FBXL7: variants seen among roughly 807,000 people sequenced by gnomAD.
FBXL7 encodes F-box and leucine rich repeat protein 7, also known as F-box/LRR-repeat protein 7.
In FBXL7, 12 loss-of-function variants were observed where a neutral mutation model predicts 38.3. The observed-to-expected ratio is 0.31, with a 90% CI of 0.20 to 0.51. The LOEUF (loss-of-function observed/expected upper bound fraction) is 0.51. Among genes scored for constraint, FBXL7 ranks in the 20% least tolerant of loss-of-function variants. The pLI is 0.98. For missense variants in FBXL7, 567 were observed against 676.4 expected (o/e 0.84, Z 1.79); for synonymous variants, 297 against 300.9 (o/e 0.99, Z 0.13).
intron 2 of FBXL7, among the ~76,000 whole-genome samples, chr5:15,912,230 C>G: frequency 1.4e-5 from 1 of 69,824 alleles, no homozygotes; most frequent in Non-Finnish European, 2.6e-5. Context: ...TCTCGTGGTG[C>G]GCCGTTTCTT....
chr5:15,677,128 G>C (rs1358161376), intron 2 of FBXL7, among the ~76,000 whole-genome samples: 1 of 152,180 alleles, frequency 6.6e-6, no homozygotes, highest in Non-Finnish European at 1.5e-5. Flanking sequence ...TAACCCTGCT[G>C]TTCTTTTTGG....
chr5:15,628,126 A>T (rs147332753), intron 2 of FBXL7, among the ~76,000 whole-genome samples: 361 of 152,332 alleles, frequency 2.4e-3, no homozygotes, highest in African/African-American at 8.2e-3. Flanking sequence ...TAATTATTTT[A>T]TATATATAAC....
intron 1 of FBXL7, among the ~76,000 whole-genome samples, chr5:15,508,800 C>A (rs759730282): frequency 2.0e-5 from 3 of 152,024 alleles, no homozygotes; most frequent in Admixed American, 6.6e-5. Flanking sequence ...ATTATACATA[C>A]GTGTTTATAT....
At chr5:15,742,950 A>G (rs574771515) in intron 2 of FBXL7, among the ~76,000 whole-genome samples, 6 of 152,132 alleles carry the variant, frequency 3.9e-5, no homozygotes, top group Admixed American at 3.9e-4. Context: ...AAACCATCAG[A>G]TCTCATGAGA....
chr5:15,789,132 G>A (rs1737208548), intron 2 of FBXL7, among the ~76,000 whole-genome samples: 1 of 152,040 alleles, frequency 6.6e-6, no homozygotes, highest in African/African-American at 2.4e-5. Context: ...TTACAAGAAT[G>A]AGCCACCATG....
intron 1 of FBXL7, among the ~76,000 whole-genome samples, chr5:15,579,563 G>T (rs1739072201): frequency 6.6e-6 from 1 of 152,164 alleles, no homozygotes; most frequent in African/African-American, 2.4e-5. Context: ...GATGATTCTG[G>T]TCTGTTTATC....
At position 15,878,313 on chromosome 5, in the gene FBXL7, A is replaced by T. The variant is rs140957179; in HGVS notation, c.128-49577A>T. ...TTCTGTCAATAAACTCCTGATACTT[A>T]TACATACTGAAACACACAATAAACT... is the stretch of plus-strand genomic sequence containing the variant. On this transcript the variant is annotated intron_variant, in intron 2 of 3. Coordinates refer to ENST00000504595, the MANE Select transcript of FBXL7 (RefSeq NM_012304.5). Among the ~76,000 whole-genome samples, 499 of 152,324 alleles carry T rather than the reference A, an allele frequency of 3.3e-3. 2 individuals carry two copies. The highest frequency in any genetic ancestry group is 0.011 in the African/African-American group (462 of 41,564).
intron 2 of FBXL7, among the ~76,000 whole-genome samples, chr5:15,863,976 T>G (rs895053899): frequency 3.9e-5 from 6 of 152,168 alleles, no homozygotes; most frequent in African/African-American, 1.4e-4. Context: ...GTCTATTGAC[T>G]AGAGTTACGG....
chr5:15,789,591 ACT>A (rs1737221399), intron 2 of FBXL7, among the ~76,000 whole-genome samples: 1 of 151,742 alleles, frequency 6.6e-6, no homozygotes, highest in Admixed American at 6.6e-5. Flanking sequence ...TGAACTCCTG[ACT>A]CTACCTTGAG....
intron 2 of FBXL7, among the ~76,000 whole-genome samples, chr5:15,927,535 G>A (rs1261130717): frequency 6.6e-6 from 1 of 152,032 alleles, no homozygotes; most frequent in Non-Finnish European, 1.5e-5. Flanking sequence ...ATTTTGGTAG[G>A]CCAAGGCGGG....
intron 2 of FBXL7, among the ~76,000 whole-genome samples, chr5:15,794,549 C>T (rs1236010944): frequency 6.6e-6 from 1 of 152,088 alleles, no homozygotes; most frequent in African/African-American, 2.4e-5. Flanking sequence ...GTAAATAAAA[C>T]AGGAAGACGT....
intron 1 of FBXL7, among the ~76,000 whole-genome samples, chr5:15,570,549 C>G (rs1362124086): frequency 6.6e-6 from 1 of 152,016 alleles, no homozygotes; most frequent in Admixed American, 6.6e-5. Context: ...TGCTTTTCTG[C>G]TGAATATACA....
At chr5:15,810,829 CTT>C in intron 2 of FBXL7, among the ~76,000 whole-genome samples, 1 of 152,290 alleles carries the variant, frequency 6.6e-6, no homozygotes, top group Admixed American at 6.5e-5. Context: ...ACAGATCTCT[CTT>C]ATTTATTTTG....
At chr5:15,519,461 C>G (rs1320511679) in intron 1 of FBXL7, among the ~76,000 whole-genome samples, 3 of 148,000 alleles carry the variant, frequency 2.0e-5, no homozygotes, top group African/African-American at 5.1e-5. Context: ...AAAAAACAAA[C>G]AAACAAACAA....
At chr5:15,508,420 A>G (rs969678575) in intron 1 of FBXL7, among the ~76,000 whole-genome samples, 2 of 152,240 alleles carry the variant, frequency 1.3e-5, no homozygotes, top group Admixed American at 1.3e-4. Flanking sequence ...CAAAGAATAT[A>G]CATAAGTTAC....
chr5:15,527,261 C>T (rs1452905456), intron 1 of FBXL7, among the ~76,000 whole-genome samples: 1 of 152,156 alleles, frequency 6.6e-6, no homozygotes, highest in Non-Finnish European at 1.5e-5. Context: ...CTTTTCACTG[C>T]CCTACATTTA....
At position 15,819,732 on chromosome 5, in the gene FBXL7, C is replaced by T. The variant is rs539817033; in HGVS notation, c.128-108158C>T. Among the ~76,000 whole-genome samples the T allele has an allele frequency of 2.0e-5, 3 of 152,286 alleles. No individual in the cohort carries two copies. In the South Asian group the frequency reaches 6.2e-4, roughly 32 times the overall value. On this transcript the variant is annotated intron_variant, in intron 2 of 3. Transcript: ENST00000504595. ...GCAAATTAAAGATTCTTCGTTAGGA[C>T]ATCTAAGCAGCCCCAAGAGGACACA...
chr5:15,797,765 A>G (rs1201899416), intron 2 of FBXL7, among the ~76,000 whole-genome samples: 5 of 152,216 alleles, frequency 3.3e-5, no homozygotes, highest in Non-Finnish European at 7.3e-5. Context: ...ATAAAAACAA[A>G]TTAAGACAGA....
At chr5:15,549,930 A>T in intron 1 of FBXL7, among the ~76,000 whole-genome samples, 1 of 152,140 alleles carries the variant, frequency 6.6e-6, no homozygotes, top group East Asian at 1.9e-4. Context: ...GTGGAAGGGG[A>T]TGCTTAGAAA....
Sources: allele counts gnomAD v4.1 joint callset (sites outside exome capture counted in the v4.1 genomes callset), GRCh38; gene constraint gnomAD v4.1.1; transcripts MANE v1.5; gene names NCBI Gene and HGNC (gene_info 2026-07-23, HGNC 2026-07-21).